ZNG1F: variants seen among roughly 807,000 people sequenced by gnomAD.
ZNG1F encodes the protein zinc-regulated GTPase metalloprotein activator 1F.
the ZNG1F span, among the ~76,000 whole-genome samples, chr9:41,149,767 A>G: frequency 2.0e-5 from 3 of 150,978 alleles, no homozygotes; most frequent in Non-Finnish European, 3.0e-5. Context: ...CCTCATGCCT[A>G]TAGTTAGCAA....
the ZNG1F span, among the ~76,000 whole-genome samples, chr9:41,169,224 CA>C: frequency 6.6e-6 from 1 of 151,176 alleles, no homozygotes; most frequent in African/African-American, 2.4e-5. Flanking sequence ...CTTCCCAAAT[CA>C]AACTCTGCAA....
the ZNG1F span, chr9:41,157,466 GAAAAAAA>G: frequency 1.3e-5 from 1 of 78,742 alleles, no homozygotes; most frequent in African/African-American, 4.7e-5. Context: ...CGCCTCAAAA[GAAAAAAA>G]AAAAAAAAGA....
chr9:41,156,949 TG>T, the ZNG1F span: 1 of 115,040 alleles, frequency 8.7e-6, no homozygotes, highest in Admixed American at 1.0e-4. Context: ...TCATTCAGAA[TG>T]GGGCTGCATG....
the ZNG1F span, among the ~76,000 whole-genome samples, chr9:41,139,757 A>C: frequency 6.6e-6 from 1 of 151,742 alleles, no homozygotes; most frequent in African/African-American, 2.4e-5. Context: ...TAAATGTGGT[A>C]ATATACATAC....
chr9:41,169,779 T>C, the ZNG1F span, among the ~76,000 whole-genome samples: 1 of 148,584 alleles, frequency 6.7e-6, no homozygotes, highest in South Asian at 2.1e-4. Context: ...ATGGATAATG[T>C]TTGATAATGT....
the ZNG1F span, among the ~76,000 whole-genome samples, chr9:41,187,408 G>T: frequency 4.6e-5 from 6 of 131,296 alleles, 1 homozygote; most frequent in African/African-American, 1.7e-4. Context: ...TATTCCAAGG[G>T]GCTAAAACAC....
the ZNG1F span, among the ~76,000 whole-genome samples, chr9:41,149,697 T>G: frequency 4.2e-4 from 64 of 150,596 alleles, no homozygotes; most frequent in African/African-American, 1.6e-3. Flanking sequence ...GAAGCTGCTA[T>G]TCAAGGGGTA....
the ZNG1F span, chr9:41,195,225 T>A: frequency 1.3e-5 from 1 of 77,714 alleles, no homozygotes; most frequent in African/African-American, 4.3e-5. Flanking sequence ...TTTTTAAATG[T>A]TTAAAGTTTA....
At chr9:41,200,694 A>G in the ZNG1F span, among the ~76,000 whole-genome samples, 1 of 152,198 alleles carries the variant, frequency 6.6e-6, no homozygotes, top group Non-Finnish European at 1.5e-5. Flanking sequence ...TTTGCAAAAG[A>G]AAGAGGTTTA....
chr9:41,201,276 T>C, the ZNG1F span, among the ~76,000 whole-genome samples: 5 of 143,850 alleles, frequency 3.5e-5, no homozygotes, highest in Non-Finnish European at 1.5e-5. Context: ...TATATATATA[T>C]ATATGTATGC....
At chr9:41,150,330 G>T in the ZNG1F span, among the ~76,000 whole-genome samples, 90 of 150,698 alleles carry the variant, frequency 6.0e-4, 1 homozygote, top group African/African-American at 2.1e-3. Context: ...CCACGCCCAC[G>T]GAGTCTCGCG....
the ZNG1F span, chr9:41,164,837 A>G: frequency 2.1e-6 from 1 of 487,330 alleles, no homozygotes; most frequent in Non-Finnish European, 3.6e-6. Flanking sequence ...TTTATGTATT[A>G]CCATTTATAT....
the ZNG1F span, among the ~76,000 whole-genome samples, chr9:41,186,704 T>C: frequency 5.6e-5 from 2 of 35,716 alleles, 1 homozygote; most frequent in Non-Finnish European, 1.8e-4. Context: ...CTTTTTTTTG[T>C]TGGACATTTG....
chr9:41,155,205 G>A, the ZNG1F span, among the ~76,000 whole-genome samples: 6 of 151,248 alleles, frequency 4.0e-5, no homozygotes, highest in African/African-American at 7.3e-5. Flanking sequence ...GACATGAACA[G>A]ACACTTCTCA....
chr9:41,140,996 A>T, the ZNG1F span, among the ~76,000 whole-genome samples: 1 of 151,636 alleles, frequency 6.6e-6, no homozygotes, highest in African/African-American at 2.4e-5. Context: ...TCAAAGCGCT[A>T]GGATTACAAG....
chr9:41,196,198 G>A, the ZNG1F span: 1 of 50,706 alleles, frequency 2.0e-5, no homozygotes. Context: ...CAAAATCAAG[G>A]TGCCAGGAAG....
chr9:41,201,071 G>T, the ZNG1F span, among the ~76,000 whole-genome samples: 1 of 145,356 alleles, frequency 6.9e-6, no homozygotes, highest in Non-Finnish European at 1.5e-5. Context: ...CAGAAAGATA[G>T]AGTATTACAT....
chr9:41,139,575 G>T, the ZNG1F span, among the ~76,000 whole-genome samples: 1 of 150,586 alleles, frequency 6.6e-6, no homozygotes, highest in Non-Finnish European at 1.5e-5. Flanking sequence ...ACTGTTACTA[G>T]TAATAGGAAA....
the ZNG1F span, among the ~76,000 whole-genome samples, chr9:41,193,507 T>C: frequency 1.3e-5 from 2 of 149,974 alleles, no homozygotes; most frequent in Non-Finnish European, 3.0e-5. Context: ...GTTTTTTTTT[T>C]CTTCTCCTGA....
Sources: gnomAD v4.1 joint callset for allele counts (sites outside exome capture counted in the v4.1 genomes callset) on GRCh38, gnomAD v4.1.1 for gene constraint, MANE v1.5 for transcripts, NCBI Gene and HGNC (gene_info 2026-07-23, HGNC 2026-07-21) for gene names.